The following UXS1 variants were observed in gnomAD, a reference collection of about 807,000 sequenced individuals.
UXS1 encodes the protein UDP-glucuronate decarboxylase 1, also known as UDP-glucuronic acid decarboxylase 1.
A neutral mutation model predicts 62.6 loss-of-function variants in UXS1; 33 were observed. That is an observed-to-expected ratio of 0.53 (90% CI 0.40 to 0.70). The LOEUF is 0.70. UXS1 is among the 30% of genes least tolerant of loss of function. UXS1 has a pLI of 0.00. For synonymous variants in UXS1, 213 were observed against 206.8 expected (o/e 1.03, Z -0.26); for missense variants, 434 against 556.3 (o/e 0.78, Z 2.21).
intron 1 of UXS1, among the ~76,000 whole-genome samples, chr2:106,178,473 A>AGT (rs1199510639): frequency 2.6e-5 from 4 of 151,654 alleles, no homozygotes; most frequent in South Asian, 2.1e-4. Flanking sequence ...TATACATACA[A>AGT]GTGTGTGTAT....
chr2:106,143,392 G>C lies in UXS1; in HGVS notation c.472+1798C>G, dbSNP rs367840150. On this transcript the variant is annotated intron_variant, in intron 6 of 14. Coordinates refer to ENST00000283148, the MANE Select transcript of UXS1 (RefSeq NM_001253875.2). Reference sequence around the variant, plus strand: ...CCACTGCACTCCAGCCTGGGCAACAGAGAGAGACTCCGTCTCAAAAAAAAA... The same window carrying C: ...CCACTGCACTCCAGCCTGGGCAACACAGAGAGACTCCGTCTCAAAAAAAAA... Among the ~76,000 whole-genome samples the C allele has an allele frequency of 4.5e-5, 4 of 89,540 alleles. 1 individual carries two copies. Among genetic ancestry groups the C allele is most frequent in the Middle Eastern group, 0.015 (1 of 68 alleles). The allele number at this position is 89,540 out of a possible 152,430, so 58.7% of individuals were successfully genotyped here. A position where few individuals can be genotyped will look rare whatever the true frequency, so the allele number is the denominator to read the frequency against.
At chr2:106,130,469 G>A (rs1482579443) in intron 6 of UXS1, among the ~76,000 whole-genome samples, 1 of 152,192 alleles carries the variant, frequency 6.6e-6, no homozygotes, top group Non-Finnish European at 1.5e-5. Context: ...CACACAGGAG[G>A]AATGCCATCC....
chr2:106,112,850 T>G (rs1678731472), intron 9 of UXS1, 85 bp from the exon 10 acceptor site: 2 of 1,506,386 alleles, frequency 1.3e-6, no homozygotes, highest in Non-Finnish European at 1.8e-6. Context: ...CTGCATGCAA[T>G]GCAGAATGGA....
At chr2:106,190,576 T>G (rs1159989079) in intron 1 of UXS1, among the ~76,000 whole-genome samples, 1 of 151,960 alleles carries the variant, frequency 6.6e-6, no homozygotes, top group Non-Finnish European at 1.5e-5. Flanking sequence ...AGAAACCGTC[T>G]CTACTAAAAA....
intron 3 of UXS1, among the ~76,000 whole-genome samples, chr2:106,164,529 GAGGT>G (rs1459260301): frequency 6.6e-6 from 1 of 152,160 alleles, no homozygotes; most frequent in Non-Finnish European, 1.5e-5. Context: ...TTTTGCCTTT[GAGGT>G]AGAATTTGTT....
At chr2:106,130,283 T>C (rs1476825295) in intron 6 of UXS1, among the ~76,000 whole-genome samples, 1 of 152,156 alleles carries the variant, frequency 6.6e-6, no homozygotes, top group Non-Finnish European at 1.5e-5. Flanking sequence ...TTTAAAGCCA[T>C]GAATGGCAAA....
In UXS1 at chr2:106,138,680, AG is replaced by A. The variant is rs1680856141; in HGVS notation, c.472+6509del. On this transcript the variant is annotated intron_variant, in intron 6 of 14. Transcript: ENST00000283148. ...GTTCAGTGTTTCTTCCTCACTGGAC[AG>A]GTCAGTCCCACTGCTGCTCCGGAAG... The A allele has an allele frequency of 3.0e-6, 3 of 985,504 alleles. No individual in the cohort carries two copies. The South Asian group carries it at 1.4e-4, about 46-fold the overall frequency. The allele number at this position is 985,504 out of a possible 1,614,324, so 61.0% of individuals were successfully genotyped here. A position where few individuals can be genotyped will look rare whatever the true frequency, so the allele number is the denominator to read the frequency against.
chr2:106,124,418 A>C (rs546189557), intron 8 of UXS1, among the ~76,000 whole-genome samples: 55 of 152,368 alleles, frequency 3.6e-4, no homozygotes, highest in African/African-American at 1.3e-3. Flanking sequence ...TTACATTGTT[A>C]ATACAAAAGT....
chr2:106,188,080 T>C (rs1684685660), intron 1 of UXS1, among the ~76,000 whole-genome samples: 1 of 152,248 alleles, frequency 6.6e-6, no homozygotes, highest in African/African-American at 2.4e-5. Flanking sequence ...GAAAAGATAA[T>C]GGCTCCTAAA....
intron 5 of UXS1, among the ~76,000 whole-genome samples, chr2:106,150,709 C>T (rs1048950424): frequency 1.2e-4 from 18 of 152,206 alleles, no homozygotes; most frequent in African/African-American, 4.3e-4. Flanking sequence ...TGGGAGGTGG[C>T]GGGGGGTAGG....
chr2:106,146,057 G>A (rs1221740814), intron 5 of UXS1, among the ~76,000 whole-genome samples: 3 of 152,162 alleles, frequency 2.0e-5, no homozygotes, highest in Non-Finnish European at 4.4e-5. Flanking sequence ...ACAAAACCTA[G>A]ACCCCTGCAA....
chr2:106,129,607 A>G, intron 7 of UXS1, 67 bp downstream of exon 7: 1 of 1,274,356 alleles, frequency 7.8e-7, no homozygotes, highest in South Asian at 1.3e-5. Flanking sequence ...AGATTCAATG[A>G]CCTATGCTTG....
At chr2:106,112,837 G>A in intron 9 of UXS1, 72 bp from the exon 10 acceptor site, 1 of 1,540,168 alleles carries the variant, frequency 6.5e-7, no homozygotes, top group East Asian at 2.4e-5. Flanking sequence ...CATTTCCAGT[G>A]CCCTGCATGC....
chr2:106,146,964 G>A (rs569390869), intron 5 of UXS1, among the ~76,000 whole-genome samples: 12 of 151,714 alleles, frequency 7.9e-5, no homozygotes, highest in East Asian at 2.0e-4. Context: ...ACTAGCCTGC[G>A]CAGCATGGTG....
At chr2:106,187,808 C>A (rs1331376235) in intron 1 of UXS1, among the ~76,000 whole-genome samples, 1 of 149,834 alleles carries the variant, frequency 6.7e-6, no homozygotes, top group Non-Finnish European at 1.5e-5. Flanking sequence ...ATGGCACGAT[C>A]TTGGCCCACT....
At chr2:106,119,556 G>C (rs1181364740) in intron 9 of UXS1, among the ~76,000 whole-genome samples, 1 of 152,296 alleles carries the variant, frequency 6.6e-6, no homozygotes. Flanking sequence ...CAGCAGGCAC[G>C]CAGAGCATCC....
At chr2:106,165,819 G>GC (rs941161155) in intron 2 of UXS1, among the ~76,000 whole-genome samples, 15 of 151,792 alleles carry the variant, frequency 9.9e-5, no homozygotes, top group South Asian at 6.3e-4. Context: ...GGAGGGAAGC[G>GC]GGGGTGGCCG....
chr2:106,190,553 C>G (rs553726260), intron 1 of UXS1, among the ~76,000 whole-genome samples: 2 of 152,192 alleles, frequency 1.3e-5, no homozygotes, highest in Admixed American at 1.3e-4. Flanking sequence ...TGAGACCAGC[C>G]TGACCAACAT....
intron 1 of UXS1, among the ~76,000 whole-genome samples, chr2:106,184,300 A>G (rs1684425535): frequency 6.6e-6 from 1 of 152,270 alleles, no homozygotes; most frequent in Admixed American, 6.5e-5. Flanking sequence ...TTGTAAGACA[A>G]AAAGCAAGAC....
Sources: gnomAD v4.1 joint callset for allele counts (sites outside exome capture counted in the v4.1 genomes callset) on GRCh38, gnomAD v4.1.1 for gene constraint, MANE v1.5 for transcripts, NCBI Gene and HGNC (gene_info 2026-07-23, HGNC 2026-07-21) for gene names.